The following CELF4 variants were observed in gnomAD, a reference collection of about 807,000 sequenced individuals.
CELF4 encodes the protein CUG-BP- and ETR-3-like factor 4.
In CELF4, 18 loss-of-function variants were observed where a neutral mutation model predicts 59.9. The ratio of observed to expected loss-of-function variants is 0.30; its 90% CI spans 0.21 to 0.45. The LOEUF is 0.45. Among genes scored for constraint, CELF4 ranks in the 20% least tolerant of loss-of-function variants. The probability of loss-of-function intolerance (pLI) is 1.00; values close to 1 mark genes in which losing one functional copy is unlikely to be tolerated. For synonymous variants in CELF4, 261 were observed against 267.1 expected, an observed-to-expected ratio of 0.98 and a Z score of 0.22; for missense variants, 456 against 689.0, an observed-to-expected ratio of 0.66 and a Z score of 3.79.
At chr18:37,429,344 C>T (rs946507119) in intron 2 of CELF4, among the ~76,000 whole-genome samples, 1 of 151,948 alleles carries the variant, frequency 6.6e-6, no homozygotes, top group Non-Finnish European at 1.5e-5. Context: ...GTGTATGTGC[C>T]TCTGTGTGTG....
intron 3 of CELF4, among the ~76,000 whole-genome samples, chr18:37,286,812 G>T (rs1165436171): frequency 3.9e-5 from 6 of 152,036 alleles, no homozygotes; most frequent in African/African-American, 1.4e-4. Context: ...CCTGGGTTGG[G>T]AGTGGGTCTT....
chr18:37,246,693 A>G lies in CELF4; in HGVS notation c.*45-1496T>C, dbSNP rs2062291672. Among the ~76,000 whole-genome samples the G allele has an allele frequency of 6.6e-6, 1 of 152,218 alleles. No homozygotes were observed. The highest frequency in any genetic ancestry group is 1.5e-5 in the Non-Finnish European group (1 of 68,052). ...GAAAAAGGCCCCCAAATTTCTAGAAAAAAATAAAATCACAATATTTTCAAG... is the reference window on the plus strand; with the variant it reads ...GAAAAAGGCCCCCAAATTTCTAGAAGAAAATAAAATCACAATATTTTCAAG... On this transcript the variant is annotated intron_variant, in intron 12 of 12. Coordinates refer to ENST00000420428, the MANE Select transcript of CELF4 (RefSeq NM_020180.4). The surrounding 1 kb of genome is among the most constrained non-coding windows in gnomAD (Gnocchi z 5.3).
chr18:37,495,209 C>G (rs748444729), intron 1 of CELF4, among the ~76,000 whole-genome samples: 3 of 152,190 alleles, frequency 2.0e-5, no homozygotes, highest in Admixed American at 6.5e-5. Context: ...AGGCTCAAGT[C>G]AGTGGGGACG....
intron 2 of CELF4, among the ~76,000 whole-genome samples, chr18:37,431,761 G>A (rs2099668170): frequency 1.3e-5 from 2 of 152,162 alleles, no homozygotes; most frequent in Non-Finnish European, 2.9e-5. Flanking sequence ...TTGAGCACAG[G>A]ACTTTAGGTT....
chr18:37,286,709 A>G (rs1465128989), intron 3 of CELF4, among the ~76,000 whole-genome samples: 1 of 151,988 alleles, frequency 6.6e-6, no homozygotes, highest in African/African-American at 2.4e-5. Flanking sequence ...ACCCGGGAGG[A>G]GTCACACTGG....
At chr18:37,456,467 T>G (rs1300216256) in intron 2 of CELF4, among the ~76,000 whole-genome samples, 2 of 152,114 alleles carry the variant, frequency 1.3e-5, no homozygotes, top group African/African-American at 4.8e-5. Context: ...TCCTGCTCCG[T>G]CCAGCCCTGC....
intron 2 of CELF4, among the ~76,000 whole-genome samples, chr18:37,351,674 G>A (rs1413912836): frequency 9.6e-5 from 14 of 145,382 alleles, no homozygotes; most frequent in African/African-American, 2.6e-4. Flanking sequence ...GCAGTGGTGC[G>A]ATCTTGGCTC....
At chr18:37,287,365 T>A (rs2094899071) in intron 3 of CELF4, among the ~76,000 whole-genome samples, 1 of 152,180 alleles carries the variant, frequency 6.6e-6, no homozygotes, top group South Asian at 2.1e-4. Flanking sequence ...GGTGCAGGGA[T>A]GGCAGCACCC....
At chr18:37,541,447 C>T (rs763120074) in intron 1 of CELF4, among the ~76,000 whole-genome samples, 5 of 152,146 alleles carry the variant, frequency 3.3e-5, no homozygotes, top group Non-Finnish European at 5.9e-5. Context: ...CCTTCACTGC[C>T]CTTCTTAATC....
rs887271688 is a variant in CELF4, at chr18:37,383,550, C to G, written c.370-61669G>C. Among the ~76,000 whole-genome samples the G allele has an allele frequency of 3.3e-5, 5 of 152,316 alleles. 1 individual carries two copies. The highest frequency in any genetic ancestry group is 3.3e-4 in the Admixed American group (5 of 15,308). ...TCTGTTATACATAATACTTAATTTC[C>G]AGATGGTTCATGTATAATACAGAAG... On this transcript the variant is annotated intron_variant, in intron 2 of 12. Transcript: ENST00000420428.
chr18:37,377,957 C>T (rs1455171117), intron 2 of CELF4, among the ~76,000 whole-genome samples: 2 of 152,170 alleles, frequency 1.3e-5, no homozygotes, highest in Non-Finnish European at 2.9e-5. Context: ...ACCTCTAAGG[C>T]AGTGGAAAGC....
chr18:37,357,314 C>T (rs554030263), intron 2 of CELF4, among the ~76,000 whole-genome samples: 2 of 152,324 alleles, frequency 1.3e-5, no homozygotes, highest in African/African-American at 2.4e-5. Flanking sequence ...TGAAAGGGGC[C>T]AGCGTAGAGC....
chr18:37,381,550 A>C (rs1348189774), intron 2 of CELF4, among the ~76,000 whole-genome samples: 1 of 152,116 alleles, frequency 6.6e-6, no homozygotes, highest in Middle Eastern at 3.2e-3. Context: ...ATTCCTTTAG[A>C]ATGGGAGATA....
At chr18:37,248,499 G>A (rs887880766) in intron 12 of CELF4, among the ~76,000 whole-genome samples, 1 of 152,118 alleles carries the variant, frequency 6.6e-6, no homozygotes, top group Non-Finnish European at 1.5e-5. Flanking sequence ...ACAGAGGCGA[G>A]CGCCTCCAGC....
intron 2 of CELF4, among the ~76,000 whole-genome samples, chr18:37,448,298 G>A (rs540908759): frequency 6.6e-6 from 1 of 152,152 alleles, no homozygotes; most frequent in Admixed American, 6.5e-5. Context: ...GGAGGACGGG[G>A]CCAGGGCCCT....
intron 2 of CELF4, among the ~76,000 whole-genome samples, chr18:37,424,834 G>A (rs928531482): frequency 2.6e-5 from 4 of 152,044 alleles, no homozygotes; most frequent in African/African-American, 9.7e-5. Flanking sequence ...CGAAGTCCAG[G>A]GGATTGGGCT....
intron 2 of CELF4, among the ~76,000 whole-genome samples, chr18:37,400,441 TG>T (rs1202080523): frequency 6.6e-6 from 1 of 152,226 alleles, no homozygotes; most frequent in African/African-American, 2.4e-5. Flanking sequence ...CTGACACACC[TG>T]GGCTCAAGAA....
intron 2 of CELF4, among the ~76,000 whole-genome samples, chr18:37,425,439 G>C (rs550509575): frequency 6.6e-6 from 1 of 152,386 alleles, no homozygotes; most frequent in South Asian, 2.1e-4. Context: ...AGAGGCAGCT[G>C]CTGCAGGAAG....
intron 2 of CELF4, among the ~76,000 whole-genome samples, chr18:37,371,386 G>A (rs2098873274): frequency 1.3e-5 from 2 of 152,200 alleles, no homozygotes; most frequent in African/African-American, 4.8e-5. Context: ...ACCAATAACT[G>A]GCCAGAAGCC....
Sources: gnomAD v4.1 joint callset for allele counts (sites outside exome capture counted in the v4.1 genomes callset) on GRCh38, gnomAD v4.1.1 for gene constraint, Gnocchi (gnomAD v3.1) non-coding constraint, MANE v1.5 for transcripts, NCBI Gene and HGNC (gene_info 2026-07-23, HGNC 2026-07-21) for gene names.